The following ST6GALNAC5 variants were observed in gnomAD, a reference collection of about 807,000 sequenced individuals.
ST6GALNAC5 encodes ST6 N-acetylgalactosaminide alpha-2,6-sialyltransferase 5.
A neutral mutation model predicts 33.6 loss-of-function variants in ST6GALNAC5; 27 were observed. The ratio of observed to expected loss-of-function variants is 0.80; its 90% CI spans 0.59 to 1.11. The LOEUF is 1.11. Among genes scored for constraint, ST6GALNAC5 ranks in the 50% least tolerant of loss-of-function variants. ST6GALNAC5 has a pLI of 0.00. For synonymous variants in ST6GALNAC5, 194 were observed against 171.2 expected (o/e 1.13, Z -1.04); for missense variants, 428 against 454.0 (o/e 0.94, Z 0.52).
chr1:76,958,188 C>A (rs1332187746), intron 2 of ST6GALNAC5, among the ~76,000 whole-genome samples: 4 of 152,214 alleles, frequency 2.6e-5, no homozygotes, highest in South Asian at 4.1e-4. Flanking sequence ...GCAACCGCTT[C>A]TCTGCACAGT....
In ST6GALNAC5 at chr1:76,867,545, G is replaced by T; in HGVS notation, c.-131G>T. 1.4e-6 allele frequency: 2 copies of T among 1,476,064 alleles called. No individual in the cohort carries two copies. The highest frequency in any genetic ancestry group is 1.9e-6 in the Non-Finnish European group (2 of 1,057,736). The allele number at this position is 1,476,064 out of a possible 1,614,324, so 91.4% of individuals were successfully genotyped here. A position where few individuals can be genotyped will look rare whatever the true frequency, so the allele number is the denominator to read the frequency against. On this transcript the variant is annotated 5_prime_UTR_variant, in exon 1 of 5. Coordinates refer to ENST00000477717, the MANE Select transcript of ST6GALNAC5 (RefSeq NM_030965.3). The stretch of plus-strand genomic sequence containing the variant: ...CCCGGGTCCCGCGGCTCCCGCGCGC[G>T]ATCTGCCGCGGCCGGCTGCTGGGCA...
intron 2 of ST6GALNAC5, among the ~76,000 whole-genome samples, chr1:76,906,834 A>T (rs994185467): frequency 2.0e-5 from 3 of 152,134 alleles, no homozygotes; most frequent in African/African-American, 7.2e-5. Context: ...CTTTATTTCA[A>T]CATATTCAAA....
intron 2 of ST6GALNAC5, among the ~76,000 whole-genome samples, chr1:76,953,603 C>A (rs1647838515): frequency 6.6e-6 from 1 of 152,126 alleles, no homozygotes; most frequent in Non-Finnish European, 1.5e-5. Flanking sequence ...GGTTTGCAAG[C>A]TTTTTCTCCC....
chr1:76,903,041 G>A (rs1046925158), intron 2 of ST6GALNAC5, among the ~76,000 whole-genome samples: 1 of 151,794 alleles, frequency 6.6e-6, no homozygotes, highest in Non-Finnish European at 1.5e-5. Flanking sequence ...ACAAAAAATT[G>A]GTTTTCACCA....
At chr1:77,052,937 AAAC>A (rs149201493) in intron 4 of ST6GALNAC5, among the ~76,000 whole-genome samples, 23,817 of 139,894 alleles carry the variant, frequency 0.17, 2,241 homozygotes, top group South Asian at 0.32. Flanking sequence ...AAAAAAAAAA[AAAC>A]AATTTTAAGG....
rs898184193 is a variant in ST6GALNAC5, at chr1:77,067,262, G to C, written c.*4056G>C. Among the ~76,000 whole-genome samples the C allele has an allele frequency of 6.6e-6, 1 of 152,228 alleles. No individual in the cohort carries two copies. The highest frequency in any genetic ancestry group is 1.9e-4 in the East Asian group (1 of 5,198). On this transcript the variant is annotated 3_prime_UTR_variant, in exon 5 of 5. Coordinates refer to ENST00000477717, the MANE Select transcript of ST6GALNAC5 (RefSeq NM_030965.3). Reference sequence around the variant, plus strand: ...TGTCTCAAGGTTTAAAAATGAGCAAGTGTAGCCCCTCTTTTGTAGCTCACT... The same window carrying C: ...TGTCTCAAGGTTTAAAAATGAGCAACTGTAGCCCCTCTTTTGTAGCTCACT...
chr1:77,008,878 C>T (rs900504148), intron 2 of ST6GALNAC5, among the ~76,000 whole-genome samples: 9 of 152,124 alleles, frequency 5.9e-5, no homozygotes, highest in African/African-American at 2.2e-4. Flanking sequence ...AGTTACATCA[C>T]CACAAACTGA....
chr1:76,942,551 C>G lies in ST6GALNAC5; in HGVS notation c.261+73809C>G, dbSNP rs771574638. 4.1e-4 allele frequency among the ~76,000 whole-genome samples: 63 copies of G among 152,198 alleles called. 1 individual carries two copies. In the Middle Eastern group the frequency reaches 0.02, roughly 49 times the overall value. ...GACACTGTGTCTGGAATGAAGTGAA[C>G]AGTGGGGCACAGAACAGATATGGTT... On this transcript the variant is annotated intron_variant, in intron 2 of 4. Coordinates refer to ENST00000477717, the MANE Select transcript of ST6GALNAC5 (RefSeq NM_030965.3).
intron 2 of ST6GALNAC5, among the ~76,000 whole-genome samples, chr1:76,987,685 C>A (rs1285989417): frequency 6.6e-6 from 1 of 152,072 alleles, no homozygotes; most frequent in African/African-American, 2.4e-5. Flanking sequence ...GTGGAAAAAA[C>A]CCAAATGTCC....
intron 2 of ST6GALNAC5, among the ~76,000 whole-genome samples, chr1:76,920,694 C>G (rs1045777292): frequency 2.6e-5 from 4 of 152,256 alleles, no homozygotes; most frequent in African/African-American, 9.6e-5. Context: ...TGCATTGAAT[C>G]AGGGAACAAT....
intron 2 of ST6GALNAC5, among the ~76,000 whole-genome samples, chr1:77,027,549 G>A (rs528731840): frequency 2.0e-5 from 3 of 152,298 alleles, no homozygotes; most frequent in East Asian, 1.9e-4. Flanking sequence ...CTGGACTGAG[G>A]AGCACAATGG....
At chr1:77,025,993 C>G (rs554355667) in intron 2 of ST6GALNAC5, among the ~76,000 whole-genome samples, 2 of 152,208 alleles carry the variant, frequency 1.3e-5, no homozygotes, top group African/African-American at 4.8e-5. Flanking sequence ...AAGATTTTCT[C>G]TTAGGAGGCA....
intron 2 of ST6GALNAC5, among the ~76,000 whole-genome samples, chr1:77,041,628 G>A (rs752177103): frequency 5.9e-5 from 9 of 151,980 alleles, no homozygotes; most frequent in African/African-American, 1.7e-4. Flanking sequence ...CCAACAGTTC[G>A]CCCAGGGATT....
chr1:76,913,591 C>T (rs1431094794), intron 2 of ST6GALNAC5, among the ~76,000 whole-genome samples: 1 of 152,134 alleles, frequency 6.6e-6, no homozygotes, highest in African/African-American at 2.4e-5. Flanking sequence ...CACATAGTCT[C>T]ATGTTTCTTG....
chr1:77,061,786 AC>A (rs796827317), intron 4 of ST6GALNAC5, among the ~76,000 whole-genome samples: 51 of 152,142 alleles, frequency 3.4e-4, no homozygotes, highest in African/African-American at 1.2e-3. Flanking sequence ...GGCACCTACC[AC>A]CCCCACATGT....
intron 2 of ST6GALNAC5, among the ~76,000 whole-genome samples, chr1:76,901,963 T>A (rs1646821248): frequency 6.6e-6 from 1 of 152,162 alleles, no homozygotes; most frequent in Non-Finnish European, 1.5e-5. Context: ...TTCCTCTTAA[T>A]TCCTTTTACA....
rs80192167 is a variant in ST6GALNAC5 at position 77,034,870 on chromosome 1, C to T, written c.262-9334C>T. On this transcript the variant is annotated intron_variant, in intron 2 of 4. Coordinates refer to ENST00000477717, the MANE Select transcript of ST6GALNAC5 (RefSeq NM_030965.3). ...TGAGTACCCAGTGACTTTGAACAGT[C>T]TATGGATACAGGTGGATTTTCTTGG... Among the ~76,000 whole-genome samples the T allele has an allele frequency of 1.0e-3, 158 of 152,284 alleles. 2 individuals carry two copies. In the East Asian group the frequency reaches 0.026, roughly 25 times the overall value.
chr1:77,056,460 G>A (rs1172520168), intron 4 of ST6GALNAC5, among the ~76,000 whole-genome samples: 1 of 152,102 alleles, frequency 6.6e-6, no homozygotes, highest in Non-Finnish European at 1.5e-5. Context: ...TTAATTAGCG[G>A]GGTAATGATT....
chr1:76,948,587 CAGAGAGAG>C (rs60959607), intron 2 of ST6GALNAC5, among the ~76,000 whole-genome samples: 3,823 of 129,702 alleles, frequency 0.029, 185 homozygotes, highest in African/African-American at 0.097. Flanking sequence ...GGAGTGGGGA[CAGAGAGAG>C]AGAGAGAGAG....
Sources: gnomAD v4.1 joint callset for allele counts (sites outside exome capture counted in the v4.1 genomes callset) on GRCh38, gnomAD v4.1.1 for gene constraint, MANE v1.5 for transcripts, NCBI Gene and HGNC (gene_info 2026-07-23, HGNC 2026-07-21) for gene names.